SV2C: variants seen among roughly 807,000 people sequenced by gnomAD.
The protein encoded by SV2C is solute carrier family 22 member B3.
A neutral mutation model predicts 79.7 loss-of-function variants in SV2C; 49 were observed. The ratio of observed to expected loss-of-function variants is 0.61; its 90% confidence interval spans 0.49 to 0.78. SV2C has a LOEUF of 0.78. SV2C is among the 30% of genes least tolerant of loss of function. The pLI, the probability that SV2C is intolerant of heterozygous loss-of-function variation, is 0.00. For missense variants in SV2C, 833 were observed against 912.9 expected, an observed-to-expected ratio of 0.91 and a Z score of 1.13; for synonymous variants, 334 against 333.2, an observed-to-expected ratio of 1.00 and a Z score of -0.03.
chr5:76,145,726 C>A (rs1456836084), intron 2 of SV2C, among the ~76,000 whole-genome samples: 1 of 152,174 alleles, frequency 6.6e-6, no homozygotes, highest in Admixed American at 6.5e-5. Context: ...GTCCTTTTAC[C>A]CTTTCCTAAT....
intron 4 of SV2C, among the ~76,000 whole-genome samples, chr5:76,250,335 A>G (rs1247016832): frequency 6.6e-6 from 1 of 152,196 alleles, no homozygotes; most frequent in Non-Finnish European, 1.5e-5. Flanking sequence ...TTATATTTTT[A>G]AAATAGGACA....
At chr5:76,339,713 CA>C (rs536302675) in intron 12 of SV2C, among the ~76,000 whole-genome samples, 5,711 of 77,786 alleles carry the variant, frequency 0.073, 305 homozygotes, top group African/African-American at 0.18. Flanking sequence ...GACTCTGTCT[CA>C]AAAAAAAAAA....
chr5:76,112,079 T>G (rs1197782504), intron 1 of SV2C, among the ~76,000 whole-genome samples: 1 of 152,254 alleles, frequency 6.6e-6, no homozygotes, highest in Non-Finnish European at 1.5e-5. Context: ...TTAGAATGTA[T>G]CAGGCATTCT....
At chr5:76,006,732 C>T in the SV2C span, among the ~76,000 whole-genome samples, 1 of 152,130 alleles carries the variant, frequency 6.6e-6, no homozygotes, top group African/African-American at 2.4e-5. Context: ...TCCCAGAAAA[C>T]TTAGGCATGC....
chr5:76,279,312 T>C (rs1327306769), intron 4 of SV2C, among the ~76,000 whole-genome samples: 3 of 152,184 alleles, frequency 2.0e-5, no homozygotes. Flanking sequence ...GACAGTGGCA[T>C]GCAGGTGGCA....
intron 2 of SV2C, among the ~76,000 whole-genome samples, chr5:76,171,666 G>T (rs1455154430): frequency 1.4e-5 from 2 of 143,884 alleles, no homozygotes; most frequent in African/African-American, 2.5e-5. Context: ...GAGGTGGGGG[G>T]TCAGCCCCCC....
the SV2C span, among the ~76,000 whole-genome samples, chr5:75,990,167 AT>A: frequency 6.6e-6 from 1 of 151,680 alleles, no homozygotes; most frequent in Non-Finnish European, 1.5e-5. Flanking sequence ...TCATTTGTCA[AT>A]TTTTGCTTTT....
At chr5:76,174,713 C>T (rs866149709) in intron 2 of SV2C, among the ~76,000 whole-genome samples, 6 of 152,320 alleles carry the variant, frequency 3.9e-5, no homozygotes, top group South Asian at 4.1e-4. Flanking sequence ...GTACGCTGCA[C>T]GAAAGCATAG....
chr5:76,204,615 A>G (rs929699877), intron 3 of SV2C, among the ~76,000 whole-genome samples: 1 of 152,226 alleles, frequency 6.6e-6, no homozygotes, highest in Non-Finnish European at 1.5e-5. Flanking sequence ...GCAGAATAGA[A>G]TTACTCAGTA....
chr5:75,866,446 C>T, the SV2C span, among the ~76,000 whole-genome samples: 2 of 152,202 alleles, frequency 1.3e-5, no homozygotes, highest in African/African-American at 4.8e-5. Context: ...TGGAGCACAA[C>T]TATCCCCTAT....
chr5:76,322,287 T>G (rs758797423), intron 12 of SV2C, among the ~76,000 whole-genome samples: 10 of 152,176 alleles, frequency 6.6e-5, no homozygotes, highest in Non-Finnish European at 1.5e-4. Flanking sequence ...CCATTCACAA[T>G]TGCTACAAAG....
intron 2 of SV2C, among the ~76,000 whole-genome samples, chr5:76,154,382 T>G (rs1742658872): frequency 6.6e-6 from 1 of 152,208 alleles, no homozygotes. Context: ...TGATGACCAC[T>G]GGGGTCACTG....
the SV2C span, among the ~76,000 whole-genome samples, chr5:75,888,809 A>G: frequency 6.6e-6 from 1 of 152,076 alleles, no homozygotes. Context: ...GCCCTATGCT[A>G]TACCTAGAAT....
At chr5:76,037,074 G>A in the SV2C span, among the ~76,000 whole-genome samples, 15 of 152,120 alleles carry the variant, frequency 9.9e-5, 1 homozygote, top group Admixed American at 3.3e-4. Flanking sequence ...TGTAGTTCTC[G>A]AGCCTTGGTT....
At chr5:76,322,245 A>G (rs1369087302) in intron 12 of SV2C, among the ~76,000 whole-genome samples, 3 of 152,226 alleles carry the variant, frequency 2.0e-5, no homozygotes, top group Non-Finnish European at 1.5e-5. Context: ...CATCAACAAT[A>G]GACAAGTGAG....
intron 2 of SV2C, among the ~76,000 whole-genome samples, chr5:76,173,188 C>G (rs1324450889): frequency 6.7e-6 from 1 of 148,518 alleles, no homozygotes; most frequent in Non-Finnish European, 1.5e-5. Flanking sequence ...ATCAAAGAAG[C>G]GAAGTTATCT....
At chr5:76,227,356 G>A (rs1480649919) in intron 4 of SV2C, among the ~76,000 whole-genome samples, 2 of 152,048 alleles carry the variant, frequency 1.3e-5, no homozygotes, top group Admixed American at 6.5e-5. Context: ...CCGAGGGTGG[G>A]GTTCCACAAA....
chr5:76,315,112 C>A (rs1748574061), intron 12 of SV2C, among the ~76,000 whole-genome samples: 1 of 151,892 alleles, frequency 6.6e-6, no homozygotes, highest in Non-Finnish European at 1.5e-5. Flanking sequence ...AGTCCTTCTC[C>A]ACTTGAGTGT....
the SV2C span, among the ~76,000 whole-genome samples, chr5:75,963,799 TGTC>T: frequency 6.6e-6 from 1 of 152,120 alleles, no homozygotes; most frequent in Non-Finnish European, 1.5e-5. Flanking sequence ...ATAAGCCAAA[TGTC>T]AGACTGTCTT....
Sources: allele counts gnomAD v4.1 joint callset (sites outside exome capture counted in the v4.1 genomes callset), GRCh38; gene constraint gnomAD v4.1.1; transcripts MANE v1.5; gene names NCBI Gene and HGNC (gene_info 2026-07-23, HGNC 2026-07-21).